TASOR: variants seen among roughly 807,000 people sequenced by gnomAD.
TASOR encodes protein TASOR.
In TASOR, 53 loss-of-function variants were observed where a neutral mutation model predicts 178.6. The observed-to-expected ratio is 0.30, with a 90% CI of 0.24 to 0.37. The LOEUF (loss-of-function observed/expected upper bound fraction) is 0.37. Among genes scored for constraint, TASOR ranks in the 10% least tolerant of loss-of-function variants. The pLI is 1.00. For missense variants in TASOR, 1,815 were observed against 1,971.4 expected (o/e 0.92, Z 1.50); for synonymous variants, 713 against 696.2 (o/e 1.02, Z -0.38).
At position 56,658,325 on chromosome 3, in the gene TASOR, C is replaced by T. The variant is rs142806816; in HGVS notation, c.1368+2406G>A. On this transcript the variant is annotated intron_variant, in intron 11 of 23. Coordinates refer to ENST00000683822, the MANE Select transcript of TASOR (RefSeq NM_001365635.2). The stretch of plus-strand genomic sequence containing the variant: ...ATGTAATACTTGGTCAGGTGAGGAA[C>T]GAAATGCCATCTTTCCTATCCTGAT... Among the ~76,000 whole-genome samples, 117 of 152,266 alleles carry T rather than the reference C, an allele frequency of 7.7e-4. 1 individual carries two copies. The highest frequency in any genetic ancestry group is 3.1e-3 in the East Asian group (16 of 5,182).
chr3:56,668,989 T>C (rs965966756), intron 5 of TASOR, among the ~76,000 whole-genome samples: 3 of 148,818 alleles, frequency 2.0e-5, no homozygotes, highest in South Asian at 2.1e-4. Flanking sequence ...ATAAATAAAA[T>C]AATATCTCAT....
intron 11 of TASOR, among the ~76,000 whole-genome samples, chr3:56,651,287 T>C (rs1168014815): frequency 2.0e-5 from 3 of 152,098 alleles, no homozygotes; most frequent in Non-Finnish European, 4.4e-5. Flanking sequence ...AAAAAGATAT[T>C]AATCCAATCT....
In TASOR at chr3:56,633,766, C is replaced by T. The variant is rs770732207; in HGVS notation, c.3025G>A (p.Glu1009Lys). ...GTGGTTTCGCTCACTGCAGGCGGCT[C>T]TGCCTCTGCTGCTGGCACACACTGC... is the stretch of plus-strand genomic sequence containing the variant. Reference protein sequence around the residue: ...EEQCVPAAEAEPPAVSETTER... With the variant: ...EEQCVPAAEAKPPAVSETTER... Residue 1009 changes from glutamate to lysine, a missense_variant, in exon 18 of 24, where the codon GAG (glutamate) becomes AAG (lysine). Transcript: ENST00000683822. The T allele has an allele frequency of 6.2e-7, 1 of 1,614,200 alleles. No individual in the cohort carries two copies. The highest frequency in any genetic ancestry group is 8.5e-7 in the Non-Finnish European group (1 of 1,180,042).
At position 56,641,867 on chromosome 3, in the gene TASOR, A is replaced by G. The variant is rs1466928266; in HGVS notation, c.2216-115T>C. Reference sequence around the variant, plus strand: ...GCATTTATGGTCAGGAACTCAACCAATTTGCTTAGACTTTACAAATATTCG... The same window carrying G: ...GCATTTATGGTCAGGAACTCAACCAGTTTGCTTAGACTTTACAAATATTCG... On this transcript the variant is annotated intron_variant, in intron 14 of 23. Transcript: ENST00000683822. 3 of 1,074,696 alleles carry G rather than the reference A, an allele frequency of 2.8e-6. No individual in the cohort carries two copies. The Admixed American group carries it at 8.8e-5, about 32-fold the overall frequency. 66.6% of individuals were successfully genotyped at this position (1,074,696 alleles called of 1,614,324 possible).
chr3:56,682,450 G>A (rs1346150334), intron 1 of TASOR, among the ~76,000 whole-genome samples: 1 of 152,028 alleles, frequency 6.6e-6, no homozygotes, highest in Non-Finnish European at 1.5e-5. Flanking sequence ...TCAAACCTGA[G>A]CTACTTCCAA....
At chr3:56,660,450 C>T (rs1262339564) in intron 11 of TASOR, among the ~76,000 whole-genome samples, 1 of 145,274 alleles carries the variant, frequency 6.9e-6, no homozygotes, top group Non-Finnish European at 1.5e-5. Flanking sequence ...AAGATCACGC[C>T]ACTGTACTCC....
At chr3:56,660,620 C>A in intron 11 of TASOR, 111 bp downstream of exon 11, 1 of 727,914 alleles carries the variant, frequency 1.4e-6, no homozygotes. Flanking sequence ...AACAGACAGA[C>A]ACCTCATGGT....
At chr3:56,667,298 A>T (rs2030128959) in intron 6 of TASOR, among the ~76,000 whole-genome samples, 2 of 152,208 alleles carry the variant, frequency 1.3e-5, no homozygotes, top group Admixed American at 1.3e-4. Flanking sequence ...TTTCCAGGGA[A>T]GTTAACATTA....
In TASOR at chr3:56,622,321, C is replaced by T. The variant is rs1385060973; in HGVS notation, c.*716G>A. ...ACCTCAAAAATATATTCCCATTATA[C>T]TTCCATTTTGCTAAAACTAATTTAA... On this transcript the variant is annotated 3_prime_UTR_variant, in exon 24 of 24. Transcript: ENST00000683822. The T allele has an allele frequency of 6.6e-6, 1 of 152,086 alleles. No homozygotes were observed. The highest frequency in any genetic ancestry group is 1.5e-5 in the Non-Finnish European group (1 of 67,982). The allele number at this position is 152,086 out of a possible 1,614,324, so 9.4% of individuals were successfully genotyped here.
rs1240791357 is a variant in TASOR, at chr3:56,620,496, CTGT to C, written c.*2538_*2540del. ...TTAGTTTTGATTCACTATATACTCT[CTGT>C]ACTTGAGGAAGAGTAAGCTGTGTTT... On this transcript the variant is annotated 3_prime_UTR_variant, in exon 24 of 24. Transcript: ENST00000683822. The C allele has an allele frequency of 6.6e-6, 1 of 152,222 alleles. No homozygotes were observed. The highest frequency in any genetic ancestry group is 1.9e-4 in the East Asian group (1 of 5,204). The allele number at this position is 152,222 out of a possible 1,614,324, so 9.4% of individuals were successfully genotyped here.
At position 56,660,982 on chromosome 3, in the gene TASOR, A is replaced by G; in HGVS notation, c.1196T>C (p.Ile399Thr). The change falls in exon 10 of 24, where the codon ATT becomes ACT. Residue 399 changes from isoleucine to threonine, a missense_variant. Physicochemically the swap from Ile to Thr is moderately conservative, Grantham distance 89 (BLOSUM62 -1). Coordinates refer to ENST00000683822, the MANE Select transcript of TASOR (RefSeq NM_001365635.2). ...AGGGATTTTCTGTTTCAGATGATCA[A>G]TACTCATAACTGTTTCAACATCTAA... Reference protein sequence around the residue: ...EKLDVETVMSIDHLKQKIPPA... With the variant: ...EKLDVETVMSTDHLKQKIPPA... 1 of 1,610,486 alleles carries G rather than the reference A, an allele frequency of 6.2e-7. No homozygotes were observed. The highest frequency in any genetic ancestry group is 8.5e-7 in the Non-Finnish European group (1 of 1,177,066).
In TASOR at chr3:56,682,786, G is replaced by A; in HGVS notation, c.221C>T (p.Pro74Leu). The A allele has an allele frequency of 1.9e-6, 3 of 1,550,506 alleles. No homozygotes were observed. The highest frequency in any genetic ancestry group is 2.6e-6 in the Non-Finnish European group (3 of 1,146,326). ...CGCGCCCGCCTCAGAGGAGTCCTGA[G>A]GCTGCTCGTGGCTGAGGCTCTGGGC... ...EAAQSLSHEQ[P>L]QDSSEAGAAA... The change falls in exon 1 of 24, where the codon CCT (proline) becomes CTT (leucine). Residue 74 changes from proline to leucine, a missense_variant. Pro to Leu is a moderately conservative substitution (Grantham distance 98, BLOSUM62 -3). Coordinates refer to ENST00000683822, the MANE Select transcript of TASOR (RefSeq NM_001365635.2).
intron 1 of TASOR, among the ~76,000 whole-genome samples, chr3:56,676,012 A>T (rs2031265687): frequency 1.3e-5 from 2 of 152,266 alleles, no homozygotes; most frequent in African/African-American, 4.8e-5. Context: ...TTATAGCAAT[A>T]CAATTAAAAA....
intron 1 of TASOR, among the ~76,000 whole-genome samples, chr3:56,674,558 A>C (rs1488917205): frequency 6.6e-6 from 1 of 152,158 alleles, no homozygotes; most frequent in Admixed American, 6.5e-5. Context: ...CTTCTTGTAT[A>C]ATCCACAAAA....
At chr3:56,677,561 G>A (rs184977064) in intron 1 of TASOR, among the ~76,000 whole-genome samples, 1 of 152,196 alleles carries the variant, frequency 6.6e-6, no homozygotes, top group Admixed American at 6.5e-5. Flanking sequence ...TCAAATTCAA[G>A]TGGTTAAGCT....
Position 56,623,004 on chromosome 3 carries a change from C to T in TASOR, c.*33G>A. 2 of 1,355,664 alleles carry T rather than the reference C, an allele frequency of 1.5e-6. No homozygotes were observed. The highest frequency in any genetic ancestry group is 9.9e-7 in the Non-Finnish European group (1 of 1,006,792). 84.0% of individuals were successfully genotyped at this position (1,355,664 alleles called of 1,614,324 possible). ...ATATAAATTGTTAATAAACAAAGTC[C>T]ACAACAATCTCTTAAAAAAAAAGTT... On this transcript the variant is annotated 3_prime_UTR_variant, in exon 24 of 24. Coordinates refer to ENST00000683822, the MANE Select transcript of TASOR (RefSeq NM_001365635.2).
intron 21 of TASOR, 73 bp from the exon 22 acceptor site, chr3:56,625,079 A>G: frequency 6.1e-6 from 9 of 1,466,256 alleles, no homozygotes; most frequent in South Asian, 5.1e-5. Context: ...GCTTTAGATT[A>G]AAATTCAATT....
intron 17 of TASOR, 90 bp downstream of exon 17, chr3:56,638,616 G>C (rs1424279289): frequency 1.5e-6 from 2 of 1,338,908 alleles, no homozygotes; most frequent in Non-Finnish European, 2.1e-6. Flanking sequence ...AAAAATTTAA[G>C]TCAATGCCCT....
chr3:56,682,584 C>G (rs2031901787), intron 1 of TASOR, 92 bp downstream of exon 1: 1 of 1,171,768 alleles, frequency 8.5e-7, no homozygotes, highest in African/African-American at 1.6e-5. Flanking sequence ...GTTTACGTAT[C>G]TCGGATGGGT....
Sources: allele counts gnomAD v4.1 joint callset (sites outside exome capture counted in the v4.1 genomes callset), GRCh38; gene constraint gnomAD v4.1.1; transcripts MANE v1.5; gene names NCBI Gene and HGNC (gene_info 2026-07-23, HGNC 2026-07-21).